The following EQTN variants were observed in gnomAD, a reference collection of about 807,000 sequenced individuals.
EQTN encodes the protein Acrosome formation associated factor.
EQTN carries 29 observed loss-of-function variants against 26.9 expected under a neutral mutation model. The ratio of observed to expected loss-of-function variants is 1.08; its 90% CI spans 0.80 to 1.47. The LOEUF (loss-of-function observed/expected upper bound fraction) is 1.47. Ranked by LOEUF, EQTN falls within the 40% of genes most tolerant of loss-of-function variation. The pLI is 0.00. For missense variants in EQTN, 391 were observed against 346.1 expected, an observed-to-expected ratio of 1.13 and a Z score of -1.03; for synonymous variants, 129 against 120.0, an observed-to-expected ratio of 1.07 and a Z score of -0.49.
intron 7 of EQTN, 99 bp from the exon 8 acceptor site, chr9:27,285,071 G>A: frequency 9.8e-7 from 1 of 1,020,712 alleles, no homozygotes; most frequent in Non-Finnish European, 1.4e-6. Flanking sequence ...TACGAATTTT[G>A]CCCAAAGTGT....
intron 6 of EQTN, 67 bp downstream of exon 6, chr9:27,289,605 C>A (rs1820187355): frequency 7.3e-7 from 1 of 1,369,534 alleles, no homozygotes; most frequent in South Asian, 1.4e-5. Context: ...CTGCCTCAGC[C>A]TCCCAAAGTG....
Position 27,295,200 on chromosome 9 carries a change from C to T in EQTN, c.203-798G>A, listed in dbSNP as rs375985957. 4.6e-5 allele frequency among the ~76,000 whole-genome samples: 7 copies of T among 152,066 alleles called. No individual in the cohort carries two copies. In the East Asian group the frequency reaches 7.7e-4, roughly 17 times the overall value. On this transcript the variant is annotated intron_variant, in intron 2 of 7. Coordinates refer to ENST00000380032, the MANE Select transcript of EQTN (RefSeq NM_020641.3). The stretch of plus-strand genomic sequence containing the variant: ...CACAAGATAACAGATAAATTATGGA[C>T]GACACACATAAAAACGGTACCATTA...
At chr9:27,285,798 A>C (rs1216809451) in intron 7 of EQTN, among the ~76,000 whole-genome samples, 1 of 152,228 alleles carries the variant, frequency 6.6e-6, no homozygotes, top group Non-Finnish European at 1.5e-5. Context: ...TTTTTATAAG[A>C]AAGAGCCTCT....
At chr9:27,287,619 A>G (rs1563831001) in intron 6 of EQTN, among the ~76,000 whole-genome samples, 1 of 152,228 alleles carries the variant, frequency 6.6e-6, no homozygotes, top group Non-Finnish European at 1.5e-5. Flanking sequence ...AGACTAACAT[A>G]ATAATGTATC....
At chr9:27,285,725 T>C (rs909268324) in intron 7 of EQTN, among the ~76,000 whole-genome samples, 21 of 152,182 alleles carry the variant, frequency 1.4e-4, no homozygotes, top group African/African-American at 5.1e-4. Flanking sequence ...TTGAAGGTAA[T>C]CTGTTACACT....
Position 27,286,268 on chromosome 9 carries a change from G to C in EQTN, c.576C>G (p.Leu192=). Residue 192 remains leucine, a synonymous_variant, in exon 7 of 8, where the codon CTC becomes CTG. Transcript: ENST00000380032. ...IMLGISLMTL[L]LFVVLLAFCS... ...AGAATGCCAAGAGGACCACAAAGAG[G>C]AGGAGGGTCATCAACGAGATTCCCA... The C allele has an allele frequency of 6.2e-7, 1 of 1,613,784 alleles. No individual in the cohort carries two copies. Among genetic ancestry groups the C allele is most frequent in the South Asian group, 1.1e-5 (1 of 90,884 alleles).
intron 7 of EQTN, among the ~76,000 whole-genome samples, chr9:27,285,243 A>T (rs909144932): frequency 4.3e-5 from 6 of 140,298 alleles, no homozygotes; most frequent in Admixed American, 2.3e-4. Flanking sequence ...TCCCAGGGGC[A>T]CGCGATTCTC....
At chr9:27,290,979 A>G in intron 5 of EQTN, 40 bp downstream of exon 5, 3 of 1,591,052 alleles carry the variant, frequency 1.9e-6, no homozygotes, top group Non-Finnish European at 2.6e-6. Context: ...ATTTTAGAAA[A>G]CCAAAATGTT....
intron 4 of EQTN, 85 bp from the exon 5 acceptor site, chr9:27,291,148 T>C: frequency 1.6e-6 from 2 of 1,250,508 alleles, no homozygotes; most frequent in Non-Finnish European, 2.2e-6. Context: ...CATTCGTTTG[T>C]TAGTCATTTA....
chr9:27,289,548 T>C lies in EQTN; in HGVS notation c.481+124A>G, dbSNP rs182494380. The C allele has an allele frequency of 4.0e-3, 2,500 of 632,674 alleles. 62 individuals carry two copies. The African/African-American group carries it at 0.042, about 11-fold the overall frequency. 39.2% of individuals were successfully genotyped at this position (632,674 alleles called of 1,614,324 possible). Reference sequence around the variant, plus strand: ...ATTTTTTGTAGAGAAAAGGTTTTTGTCATGTTGCCCAGGCTGGTCTCGAAC... The same window carrying C: ...ATTTTTTGTAGAGAAAAGGTTTTTGCCATGTTGCCCAGGCTGGTCTCGAAC... On this transcript the variant is annotated intron_variant, in intron 6 of 7. Transcript: ENST00000380032.
At chr9:27,286,720 C>T (rs1416068961) in intron 6 of EQTN, among the ~76,000 whole-genome samples, 2 of 152,154 alleles carry the variant, frequency 1.3e-5, no homozygotes, top group Non-Finnish European at 2.9e-5. Flanking sequence ...ATTTAATCTA[C>T]CATGTCTGAA....
At chr9:27,286,621 G>A (rs3739540) in intron 6 of EQTN, among the ~76,000 whole-genome samples, 51,608 of 152,142 alleles carry the variant, frequency 0.34, 9,559 homozygotes, top group African/African-American at 0.48. Flanking sequence ...AAGTTTCTGT[G>A]TTTGCGCATA....
In EQTN at chr9:27,289,693, G is replaced by T. The variant is rs768212994; in HGVS notation, c.460C>A (p.Gln154Lys). 1.9e-6 allele frequency: 3 copies of T among 1,607,756 alleles called. No individual in the cohort carries two copies. Among genetic ancestry groups the T allele is most frequent in the South Asian group, 1.1e-5 (1 of 89,382 alleles). Residue 154 changes from glutamine to lysine, a missense_variant, in exon 6 of 8, where the codon CAA (glutamine) becomes AAA (lysine). Gln to Lys is a moderately conservative substitution (Grantham distance 53). Transcript: ENST00000380032. ...TTACCTGGAATTGGGTGAAATAATT[G>T]ATCTTTATCATCCATGACCACTGCT... is the stretch of plus-strand genomic sequence containing the variant. ...GTAVVMDDKD[Q>K]LFHPIPESDV... is the part of the protein sequence containing the mutation.
At position 27,296,707 on chromosome 9, in the gene EQTN, A is replaced by T; in HGVS notation, c.108T>A (p.Asp36Glu). 1 of 1,609,610 alleles carries T rather than the reference A, an allele frequency of 6.2e-7. No individual in the cohort carries two copies. Among genetic ancestry groups the T allele is most frequent in the Non-Finnish European group, 8.5e-7 (1 of 1,178,162 alleles). ...CATTCTTTTCTTCCTGCTTATTAAC[A>T]TCTTCATTTAAAGGTAGCACATTAG... ...ALPNVLPLNE[D>E]VNKQEEKNED... is the part of the protein sequence containing the mutation. Residue 36 changes from aspartate to glutamate, a missense_variant, in exon 2 of 8, where the codon GAT becomes GAA. Transcript: ENST00000380032.
At chr9:27,285,375 C>T (rs1194879565) in intron 7 of EQTN, among the ~76,000 whole-genome samples, 1 of 152,014 alleles carries the variant, frequency 6.6e-6, no homozygotes, top group East Asian at 1.9e-4. Flanking sequence ...ATTTCTTGAC[C>T]TCGTGATCCA....
rs754859992 is a variant in EQTN at position 27,291,006 on chromosome 9, T to A, written c.421+13A>T. 6 of 1,610,894 alleles carry A rather than the reference T, an allele frequency of 3.7e-6. No homozygotes were observed. In the African/African-American group the frequency reaches 8.0e-5, roughly 22 times the overall value. ...CAAAATGTTTCCCAAGCTACCTAGC[T>A]GTATGACTTTACCTTTAGCTAACAT... On this transcript the variant is annotated intron_variant, in intron 5 of 7. Coordinates refer to ENST00000380032, the MANE Select transcript of EQTN (RefSeq NM_020641.3).
At position 27,284,710 on chromosome 9, in the gene EQTN, T is replaced by A. The variant is rs1057524; in HGVS notation, c.*13A>T. ...TCATCAATAAGATTTCTTCACCGGG[T>A]TCCTTGATTTCTTCACCGGGTAACC... On this transcript the variant is annotated 3_prime_UTR_variant, in exon 8 of 8. Coordinates refer to ENST00000380032, the MANE Select transcript of EQTN (RefSeq NM_020641.3). 729,487 of 1,600,880 alleles carry A rather than the reference T, an allele frequency of 0.46. 172,225 individuals are homozygous for A. The highest frequency in any genetic ancestry group is 0.51 in the Middle Eastern group (3,073 of 6,012).
chr9:27,293,707 T>C (rs900484226), intron 3 of EQTN, among the ~76,000 whole-genome samples: 4 of 152,202 alleles, frequency 2.6e-5, no homozygotes, highest in Non-Finnish European at 5.9e-5. Flanking sequence ...CAACTCAAGA[T>C]GTTGTTTGTT....
At chr9:27,293,295 C>T (rs1324680463) in intron 3 of EQTN, among the ~76,000 whole-genome samples, 1 of 152,128 alleles carries the variant, frequency 6.6e-6, no homozygotes. Context: ...AGTAAGTCAT[C>T]CTTAAATTCT....
Sources: gnomAD v4.1 joint callset for allele counts (sites outside exome capture counted in the v4.1 genomes callset) on GRCh38, gnomAD v4.1.1 for gene constraint, MANE v1.5 for transcripts, NCBI Gene and HGNC (gene_info 2026-07-23, HGNC 2026-07-21) for gene names.